NAA35: variants seen among roughly 807,000 people sequenced by gnomAD.
NAA35 encodes the protein MAK10 homolog, amino-acid N-acetyltransferase subunit.
In NAA35, 18 loss-of-function variants were observed where a neutral mutation model predicts 101.7. That is an observed-to-expected ratio of 0.18 (90% CI 0.12 to 0.26). The LOEUF is 0.26. Ranked by LOEUF, NAA35 falls within the 10% of genes least tolerant of loss-of-function variation. The probability of loss-of-function intolerance (pLI) is 1.00; values close to 1 mark genes in which losing one functional copy is unlikely to be tolerated. For missense variants in NAA35, 601 were observed against 886.8 expected (o/e 0.68, Z 4.09); for synonymous variants, 267 against 273.1 (o/e 0.98, Z 0.22).
In NAA35 at chr9:85,976,808, GT is replaced by G. The variant is rs1056143801; in HGVS notation, c.678+75del. 3.5e-6 allele frequency: 4 copies of G among 1,149,262 alleles called. No individual in the cohort carries two copies. In the African/African-American group the frequency reaches 4.8e-5, roughly 14 times the overall value. 71.2% of individuals were successfully genotyped at this position (1,149,262 alleles called of 1,614,324 possible). On this transcript the variant is annotated intron_variant, in intron 9 of 22. Transcript: ENST00000361671. The stretch of plus-strand genomic sequence containing the variant: ...TTAATGTTGTAGTTTTATGAACTGC[GT>G]TATAATTTATGGAAGCCCTTTTTAA...
At chr9:85,959,389 A>C (rs979904371) in intron 4 of NAA35, among the ~76,000 whole-genome samples, 20 of 150,474 alleles carry the variant, frequency 1.3e-4, no homozygotes, top group South Asian at 2.1e-4. Context: ...AAAAAAAAAA[A>C]CAAAAAAAAA....
intron 11 of NAA35, among the ~76,000 whole-genome samples, chr9:85,992,405 C>T (rs1008817225): frequency 6.6e-6 from 1 of 151,652 alleles, no homozygotes; most frequent in Non-Finnish European, 1.5e-5. Context: ...TATGAGTGTC[C>T]CCCCAACCCC....
intron 2 of NAA35, among the ~76,000 whole-genome samples, chr9:85,945,967 A>T (rs1331308163): frequency 6.6e-6 from 1 of 152,078 alleles, no homozygotes; most frequent in Non-Finnish European, 1.5e-5. Flanking sequence ...TTTATTTCCT[A>T]CTAGGCAGGT....
Position 86,022,003 on chromosome 9 carries a change from C to T in NAA35, c.*43C>T. The T allele has an allele frequency of 2.0e-6, 3 of 1,493,470 alleles. No homozygotes were observed. Among genetic ancestry groups the T allele is most frequent in the Non-Finnish European group, 2.8e-6 (3 of 1,074,496 alleles). 92.5% of individuals were successfully genotyped at this position (1,493,470 alleles called of 1,614,324 possible). A position where few individuals can be genotyped will look rare whatever the true frequency, so the allele number is the denominator to read the frequency against. On this transcript the variant is annotated 3_prime_UTR_variant, in exon 23 of 23. Transcript: ENST00000361671. ...GCCATAAAGGGGCAGAGTCTTCTTTCAGACCCAACTCTTAGAGGGCACATC... is the reference window on the plus strand; with the variant it reads ...GCCATAAAGGGGCAGAGTCTTCTTTTAGACCCAACTCTTAGAGGGCACATC...
intron 8 of NAA35, among the ~76,000 whole-genome samples, chr9:85,975,964 AT>A (rs35083110): frequency 4.0e-4 from 60 of 149,162 alleles, no homozygotes; most frequent in Non-Finnish European, 6.1e-4. Flanking sequence ...ATATTTCTAC[AT>A]TTTTTTTTTA....
At chr9:85,962,490 C>CAAAAAAAAAAAAAAAA (rs781302881) in intron 6 of NAA35, among the ~76,000 whole-genome samples, 44 of 85,764 alleles carry the variant, frequency 5.1e-4, no homozygotes, top group Non-Finnish European at 7.4e-4. Flanking sequence ...GACTCTGTCT[C>CAAAAAAAAAAAAAAAA]AAAAAAAAAA....
chr9:86,011,568 A>G (rs967801255), intron 15 of NAA35, among the ~76,000 whole-genome samples: 4 of 151,116 alleles, frequency 2.6e-5, no homozygotes, highest in Non-Finnish European at 5.9e-5. Context: ...CCTGTTGGCC[A>G]GGCTGGTCTC....
At chr9:85,967,515 A>G (rs191460339) in intron 6 of NAA35, among the ~76,000 whole-genome samples, 95 of 152,296 alleles carry the variant, frequency 6.2e-4, no homozygotes, top group African/African-American at 2.2e-3. Flanking sequence ...AGTGATGAAT[A>G]AGAATGATTT....
intron 11 of NAA35, among the ~76,000 whole-genome samples, chr9:85,987,442 A>G (rs1362110388): frequency 6.6e-6 from 1 of 152,238 alleles, no homozygotes; most frequent in Non-Finnish European, 1.5e-5. Context: ...GTATTGTGCA[A>G]CAGAGGTAGA....
At chr9:86,005,964 AG>A (rs1483534446) in intron 13 of NAA35, among the ~76,000 whole-genome samples, 2 of 151,820 alleles carry the variant, frequency 1.3e-5, no homozygotes, top group Non-Finnish European at 2.9e-5. Context: ...CGAGGTCAGA[AG>A]TTCAAGATCA....
In NAA35 at chr9:86,007,539, T is replaced by A. The variant is rs571056480; in HGVS notation, c.1223+75T>A. On this transcript the variant is annotated intron_variant, in intron 14 of 22. Transcript: ENST00000361671. The stretch of plus-strand genomic sequence containing the variant: ...GCCCAACTTCTCTGTACTCCTTCTT[T>A]ATAGCCAAAGTATCAAAATTGGGAC... The A allele has an allele frequency of 1.2e-3, 1,254 of 1,046,734 alleles. 7 individuals carry two copies. The African/African-American group carries it at 0.018, about 15-fold the overall frequency. The allele number at this position is 1,046,734 out of a possible 1,614,324, so 64.8% of individuals were successfully genotyped here.
At position 85,980,186 on chromosome 9, in the gene NAA35, G is replaced by A. The variant is rs555225990; in HGVS notation, c.877+1805G>A. On this transcript the variant is annotated intron_variant, in intron 11 of 22. Transcript: ENST00000361671. ...GTCTCGGAGCTTCCATGCCTTCCCT[G>A]GGTGTACTATCTCCTAGGAACCTCC... 1.1e-3 allele frequency among the ~76,000 whole-genome samples: 163 copies of A among 152,272 alleles called. 1 individual carries two copies. Among genetic ancestry groups the A allele is most frequent in the African/African-American group, 3.7e-3 (152 of 41,558 alleles).
intron 3 of NAA35, among the ~76,000 whole-genome samples, chr9:85,957,517 G>A (rs1829330162): frequency 3.3e-5 from 5 of 152,082 alleles, no homozygotes; most frequent in African/African-American, 1.2e-4. Context: ...CTATTCATGG[G>A]GATTCTTCCC....
chr9:86,005,383 A>G (rs563125699), intron 13 of NAA35, among the ~76,000 whole-genome samples: 1 of 152,366 alleles, frequency 6.6e-6, no homozygotes, highest in East Asian at 1.9e-4. Context: ...AGCTAACATC[A>G]TACTTAATGA....
intron 6 of NAA35, 84 bp downstream of exon 6, chr9:85,962,264 G>A (rs1829546839): frequency 1.5e-6 from 2 of 1,321,538 alleles, no homozygotes; most frequent in Non-Finnish European, 2.1e-6. Flanking sequence ...GCCAAGGTGG[G>A]CAGATCACCT....
chr9:86,016,709 G>A (rs376707422), intron 18 of NAA35, 34 bp downstream of exon 18: 241 of 1,592,354 alleles, frequency 1.5e-4, no homozygotes, highest in Non-Finnish European at 2.0e-4. Flanking sequence ...TAAGAACAGA[G>A]TGTACTTTAA....
chr9:85,951,575 A>G (rs1326084955), intron 2 of NAA35, among the ~76,000 whole-genome samples: 2 of 152,188 alleles, frequency 1.3e-5, no homozygotes, highest in African/African-American at 4.8e-5. Context: ...TCTTTAATCC[A>G]TGCCTGATTT....
chr9:85,958,146 G>A (rs905083440), intron 3 of NAA35, among the ~76,000 whole-genome samples: 1 of 152,018 alleles, frequency 6.6e-6, no homozygotes, highest in Non-Finnish European at 1.5e-5. Flanking sequence ...TCTCCATGTT[G>A]GTCAGGCTGG....
Position 86,018,303 on chromosome 9 carries a change from G to A in NAA35, c.1822G>A (p.Glu608Lys). 1 of 1,613,992 alleles carries A rather than the reference G, an allele frequency of 6.2e-7. No individual in the cohort carries two copies. The highest frequency in any genetic ancestry group is 2.2e-5 in the East Asian group (1 of 44,858). Residue 608 changes from glutamate (E) to lysine (K), a missense_variant, in exon 20 of 23, where the codon GAG (glutamate) becomes AAG (lysine). Around this residue, in one of 8 missense-constraint regions of NAA35, gnomAD observed 90 missense variants for 108.7 expected, o/e 0.83. Coordinates refer to ENST00000361671, the MANE Select transcript of NAA35 (RefSeq NM_024635.4). Reference sequence around the variant, plus strand: ...CGGCAAAGTACGTAAACCGAAGTTTGAGCTTGATAGTGAACAAGTTCGGTA... The same window carrying A: ...CGGCAAAGTACGTAAACCGAAGTTTAAGCTTGATAGTGAACAAGTTCGGTA... Reference protein sequence around the residue: ...MDGKVRKPKFELDSEQVRYEH... With the variant: ...MDGKVRKPKFKLDSEQVRYEH...
Sources: gnomAD v4.1 joint callset for allele counts (sites outside exome capture counted in the v4.1 genomes callset) on GRCh38, gnomAD v4.1.1 for gene constraint, gnomAD v4.1.1 regional missense constraint, MANE v1.5 for transcripts, NCBI Gene and HGNC (gene_info 2026-07-23, HGNC 2026-07-21) for gene names.